The following MORC3 variants were observed in gnomAD, a reference collection of about 807,000 sequenced individuals.
MORC3 encodes the protein MORC family CW-type zinc finger protein 3.
Under a neutral mutation model 109.1 loss-of-function variants are expected in MORC3, and 31 were observed. The ratio of observed to expected loss-of-function variants is 0.28; its 90% confidence interval spans 0.21 to 0.38. The LOEUF is 0.38. Ranked by LOEUF, MORC3 falls within the 10% of genes least tolerant of loss-of-function variation. The pLI is 1.00. For missense variants in MORC3, 867 were observed against 1,135.8 expected, an observed-to-expected ratio of 0.76 and a Z score of 3.40; for synonymous variants, 395 against 380.7, an observed-to-expected ratio of 1.04 and a Z score of -0.44.
chr21:36,329,736 A>T (rs1027852397), intron 1 of MORC3, among the ~76,000 whole-genome samples: 1 of 152,262 alleles, frequency 6.6e-6, no homozygotes, highest in Non-Finnish European at 1.5e-5. Flanking sequence ...GAAAGAAATA[A>T]AAATAATTCT....
intron 1 of MORC3, among the ~76,000 whole-genome samples, chr21:36,322,657 C>T (rs941483198): frequency 2.0e-5 from 3 of 152,218 alleles, no homozygotes; most frequent in Non-Finnish European, 2.9e-5. Flanking sequence ...CAGGCCTGAG[C>T]CACTGTGCCC....
intron 9 of MORC3, 37 bp downstream of exon 9, chr21:36,349,445 A>T (rs781752734): frequency 2.2e-6 from 3 of 1,349,968 alleles, no homozygotes; most frequent in Non-Finnish European, 3.1e-6. Context: ...TGAGGTTCCT[A>T]GGAAATGTAT....
chr21:36,368,190 A>G (rs1477279286), intron 14 of MORC3, among the ~76,000 whole-genome samples: 2 of 152,258 alleles, frequency 1.3e-5, no homozygotes, highest in Non-Finnish European at 2.9e-5. Flanking sequence ...GAATGATGCA[A>G]ATGAAGAAAT....
chr21:36,354,949 A>G (rs1487531305), intron 9 of MORC3, among the ~76,000 whole-genome samples: 1 of 152,164 alleles, frequency 6.6e-6, no homozygotes, highest in Admixed American at 6.6e-5. Context: ...GTATATCCAC[A>G]ATCTCTCTGA....
In MORC3 at chr21:36,362,122, G is replaced by A. The variant is rs2085723979; in HGVS notation, c.1407-61G>A. The A allele has an allele frequency of 5.2e-6, 8 of 1,527,174 alleles. No individual in the cohort carries two copies. In the East Asian group the frequency reaches 1.6e-4, roughly 30 times the overall value. 94.6% of individuals were successfully genotyped at this position (1,527,174 alleles called of 1,614,324 possible). On this transcript the variant is annotated intron_variant, in intron 12 of 16. Transcript: ENST00000400485. ...TACCTTAGTAACTGCATAAATGGCA[G>A]GTATGTCATTGGGAAATGGGATTGA...
chr21:36,373,578 G>A (rs1428229655), intron 16 of MORC3, among the ~76,000 whole-genome samples: 2 of 151,722 alleles, frequency 1.3e-5, no homozygotes, highest in Non-Finnish European at 2.9e-5. Flanking sequence ...AGCCAAGATC[G>A]CGCCATCACG....
At position 36,334,769 on chromosome 21, in the gene MORC3, A is replaced by G. The variant is rs1220036303; in HGVS notation, c.112+1051A>G. 3.3e-5 allele frequency among the ~76,000 whole-genome samples: 5 copies of G among 152,330 alleles called. No individual in the cohort carries two copies. In the East Asian group the frequency reaches 9.6e-4, roughly 29 times the overall value. ...TTGTATTTTAACAGCATTTCAATGA[A>G]CGTGAGAAAGCGGCAAGGTTGCGGT... On this transcript the variant is annotated intron_variant, in intron 2 of 16. Transcript: ENST00000400485.
chr21:36,359,845 AG>A, intron 10 of MORC3, 109 bp from the exon 11 acceptor site: 2 of 1,465,442 alleles, frequency 1.4e-6, no homozygotes, highest in Non-Finnish European at 9.4e-7. Context: ...CATAATTTTT[AG>A]GAAAGGAATT....
At chr21:36,343,588 A>G (rs758842332) in intron 6 of MORC3, among the ~76,000 whole-genome samples, 17 of 151,610 alleles carry the variant, frequency 1.1e-4, no homozygotes, top group Non-Finnish European at 1.9e-4. Flanking sequence ...AGCCAGGACT[A>G]CAAGCATGCA....
intron 8 of MORC3, among the ~76,000 whole-genome samples, chr21:36,345,895 G>C (rs867632016): frequency 1.4e-4 from 21 of 152,260 alleles, no homozygotes; most frequent in African/African-American, 5.1e-4. Flanking sequence ...TGGCTGGAGT[G>C]CAGTGGCGCA....
At chr21:36,342,045 G>A (rs2085454017) in intron 6 of MORC3, among the ~76,000 whole-genome samples, 1 of 152,114 alleles carries the variant, frequency 6.6e-6, no homozygotes, top group African/African-American at 2.4e-5. Context: ...GGCCAAGATG[G>A]TCTTGAACTC....
At chr21:36,324,488 A>G (rs2085227658) in intron 1 of MORC3, among the ~76,000 whole-genome samples, 1 of 150,562 alleles carries the variant, frequency 6.6e-6, no homozygotes, top group South Asian at 2.1e-4. Flanking sequence ...CGTGTTAGCC[A>G]GGATGGTCTT....
intron 8 of MORC3, 107 bp downstream of exon 8, chr21:36,345,138 T>C: frequency 8.4e-7 from 1 of 1,187,736 alleles, no homozygotes; most frequent in Non-Finnish European, 1.2e-6. Flanking sequence ...ACCTTTTGCC[T>C]ATAGCTTTTT....
At chr21:36,365,229 T>C (rs1399560888) in intron 14 of MORC3, among the ~76,000 whole-genome samples, 1 of 152,106 alleles carries the variant, frequency 6.6e-6, no homozygotes, top group African/African-American at 2.4e-5. Context: ...CTTGACTGGA[T>C]TGATCAGCGA....
Position 36,338,808 on chromosome 21 carries a change from C to T in MORC3, c.495C>T (p.Ser165=). Residue 165 remains serine, a synonymous_variant, in exon 5 of 17, where the codon AGC becomes AGT. Transcript: ENST00000400485. ...QMINLAESKA[S]LAAILEHSLF... ...TTAATTTAGCAGAATCAAAAGCCAG[C>T]CTTGCTGCAATTCTGGAACATTCTC... is the stretch of plus-strand genomic sequence containing the variant. 3 of 1,613,632 alleles carry T rather than the reference C, an allele frequency of 1.9e-6. No homozygotes were observed. The highest frequency in any genetic ancestry group is 2.5e-6 in the Non-Finnish European group (3 of 1,179,674).
At chr21:36,329,090 C>T (rs994933411) in intron 1 of MORC3, among the ~76,000 whole-genome samples, 5 of 151,936 alleles carry the variant, frequency 3.3e-5, no homozygotes, top group East Asian at 1.9e-4. Flanking sequence ...GTCGGCAGTT[C>T]GAGACCAGCG....
intron 14 of MORC3, among the ~76,000 whole-genome samples, chr21:36,366,657 A>G (rs189981277): frequency 6.6e-6 from 1 of 152,148 alleles, no homozygotes; most frequent in Non-Finnish European, 1.5e-5. Flanking sequence ...GGTTCACCAT[A>G]TTGCCCAGGC....
intron 8 of MORC3, among the ~76,000 whole-genome samples, chr21:36,348,849 T>G (rs2085541293): frequency 6.6e-6 from 1 of 152,138 alleles, no homozygotes; most frequent in Admixed American, 6.6e-5. Flanking sequence ...CCTACCAGTG[T>G]TTTTTTCAGT....
chr21:36,359,269 G>T (rs2085684144), intron 10 of MORC3, among the ~76,000 whole-genome samples: 1 of 152,074 alleles, frequency 6.6e-6, no homozygotes, highest in Non-Finnish European at 1.5e-5. Context: ...AAATTGGCTT[G>T]TGACTTTTAA....
Sources: allele counts gnomAD v4.1 joint callset (sites outside exome capture counted in the v4.1 genomes callset), GRCh38; gene constraint gnomAD v4.1.1; transcripts MANE v1.5; gene names NCBI Gene and HGNC (gene_info 2026-07-23, HGNC 2026-07-21).